Variants in ADAMTSL1 observed in about 807,000 individuals in gnomAD.
ADAMTSL1 encodes ADAMTS like 1.
In ADAMTSL1, 126 loss-of-function variants were observed where a neutral mutation model predicts 201.8. The ratio of observed to expected loss-of-function variants is 0.62; its 90% confidence interval spans 0.54 to 0.72. ADAMTSL1 has a LOEUF of 0.72. Ranked by LOEUF, ADAMTSL1 falls within the 30% of genes least tolerant of loss-of-function variation. The probability of loss-of-function intolerance (pLI) is 0.00; values close to 1 mark genes in which losing one functional copy is unlikely to be tolerated. For missense variants in ADAMTSL1, 2,679 were observed against 2,277.8 expected (o/e 1.18, Z -3.59); for synonymous variants, 1,121 against 903.4 (o/e 1.24, Z -4.32).
chr9:18,597,408 C>G (rs1480327119), intron 4 of ADAMTSL1, among the ~76,000 whole-genome samples: 1 of 152,166 alleles, frequency 6.6e-6, no homozygotes, highest in Non-Finnish European at 1.5e-5. Context: ...TATTTCAACT[C>G]TCTCTATTAT....
At chr9:18,418,979 AAG>A (rs538516408) in intron 2 of ADAMTSL1, among the ~76,000 whole-genome samples, 90 of 152,340 alleles carry the variant, frequency 5.9e-4, no homozygotes, top group Non-Finnish European at 9.4e-4. Context: ...GGTATCGGCA[AAG>A]AGAGAGACAA....
chr9:18,691,398 C>G (rs918143675), intron 13 of ADAMTSL1, among the ~76,000 whole-genome samples: 3 of 152,134 alleles, frequency 2.0e-5, no homozygotes, highest in Non-Finnish European at 2.9e-5. Flanking sequence ...GATTCCAGAA[C>G]TAGTACTTGG....
At chr9:18,510,686 T>G (rs1294211576) in intron 2 of ADAMTSL1, among the ~76,000 whole-genome samples, 1 of 152,016 alleles carries the variant, frequency 6.6e-6, no homozygotes, top group African/African-American at 2.4e-5. Flanking sequence ...GAGGTTTTAT[T>G]GAGTAACTCT....
chr9:18,551,361 T>C (rs1240069933), intron 3 of ADAMTSL1, among the ~76,000 whole-genome samples: 5 of 151,916 alleles, frequency 3.3e-5, no homozygotes, highest in Admixed American at 6.6e-5. Flanking sequence ...TTATGAGTAA[T>C]TTTATTTCTT....
At chr9:18,748,954 G>A (rs918511648) in intron 15 of ADAMTSL1, among the ~76,000 whole-genome samples, 3 of 152,152 alleles carry the variant, frequency 2.0e-5, no homozygotes, top group Non-Finnish European at 4.4e-5. Context: ...CTTTCTGGTG[G>A]CTCCCGGCAC....
chr9:18,379,365 A>C (rs759096234), intron 2 of ADAMTSL1, among the ~76,000 whole-genome samples: 5 of 152,216 alleles, frequency 3.3e-5, no homozygotes, highest in Non-Finnish European at 7.3e-5. Flanking sequence ...GCAAAAATGT[A>C]AGTTGAAGTA....
At chr9:18,794,786 C>G (rs1822292918) in intron 19 of ADAMTSL1, among the ~76,000 whole-genome samples, 1 of 151,872 alleles carries the variant, frequency 6.6e-6, no homozygotes, top group Admixed American at 6.6e-5. Context: ...GGCATACACC[C>G]CCATGCCCAG....
intron 2 of ADAMTSL1, among the ~76,000 whole-genome samples, chr9:18,291,684 C>T (rs573857415): frequency 1.9e-3 from 291 of 151,418 alleles, no homozygotes; most frequent in Non-Finnish European, 3.4e-3. Flanking sequence ...CTCTCTCTCT[C>T]GGGTGCGCAC....
intron 1 of ADAMTSL1, among the ~76,000 whole-genome samples, chr9:18,079,506 C>A (rs980695311): frequency 6.6e-6 from 1 of 151,894 alleles, no homozygotes; most frequent in South Asian, 2.1e-4. Context: ...CACGGTGAAA[C>A]CCCGTCTCTA....
At chr9:17,970,291 C>A in intron 1 of ADAMTSL1, among the ~76,000 whole-genome samples, 1 of 152,102 alleles carries the variant, frequency 6.6e-6, no homozygotes, top group South Asian at 2.1e-4. Flanking sequence ...TCAAAACTAC[C>A]CCCTCCTATC....
chr9:18,222,216 C>G (rs1830285720), intron 2 of ADAMTSL1, among the ~76,000 whole-genome samples: 1 of 151,558 alleles, frequency 6.6e-6, no homozygotes, highest in Non-Finnish European at 1.5e-5. Flanking sequence ...TTTGTTTTTG[C>G]TTTTTTCTCA....
intron 1 of ADAMTSL1, among the ~76,000 whole-genome samples, chr9:17,960,489 A>G (rs548972792): frequency 1.7e-4 from 26 of 152,222 alleles, no homozygotes; most frequent in African/African-American, 6.3e-4. Flanking sequence ...GAAGGACTCA[A>G]ACTCCACCAT....
intron 2 of ADAMTSL1, among the ~76,000 whole-genome samples, chr9:18,394,808 T>G (rs1204101437): frequency 3.3e-5 from 5 of 152,344 alleles, no homozygotes; most frequent in Non-Finnish European, 7.3e-5. Context: ...GAAAGCATTT[T>G]TTTGCATTAT....
intron 6 of ADAMTSL1, among the ~76,000 whole-genome samples, chr9:18,636,758 G>A (rs1827135148): frequency 6.6e-6 from 1 of 152,122 alleles, no homozygotes; most frequent in Admixed American, 6.6e-5. Flanking sequence ...TATAAACAAA[G>A]AAGAGGATGG....
At chr9:18,005,371 T>TTTAAATAC (rs1819771976) in intron 1 of ADAMTSL1, among the ~76,000 whole-genome samples, 1 of 152,038 alleles carries the variant, frequency 6.6e-6, no homozygotes, top group South Asian at 2.1e-4. Context: ...GAGCACCTAC[T>TTTAAATAC]GTGATCTTTA....
intron 1 of ADAMTSL1, among the ~76,000 whole-genome samples, chr9:18,156,627 C>T (rs1306746930): frequency 1.0e-5 from 1 of 96,712 alleles, no homozygotes; most frequent in Non-Finnish European, 2.3e-5. Flanking sequence ...AAAGCACAGA[C>T]ATAAACACAT....
rs143764306 is a variant in ADAMTSL1, at chr9:18,124,984, G to A, written c.88-38878G>A. Among the ~76,000 whole-genome samples the A allele has an allele frequency of 5.1e-3, 784 of 152,250 alleles. 9 individuals carry two copies. The highest frequency in any genetic ancestry group is 0.017 in the African/African-American group (690 of 41,552). On this transcript the variant is annotated intron_variant, in intron 1 of 29. Transcript: ENST00000680146. ...TCATTCACCCAGTTTGGTATTGCTA[G>A]GAGAGGAAAATATTTCACATTCTTA... is the stretch of plus-strand genomic sequence containing the variant.
At chr9:18,654,619 A>G (rs1024390584) in intron 7 of ADAMTSL1, among the ~76,000 whole-genome samples, 5 of 152,238 alleles carry the variant, frequency 3.3e-5, no homozygotes, top group South Asian at 2.1e-4. Flanking sequence ...TAGATATATA[A>G]CTGCTATAAG....
At chr9:18,408,045 T>C (rs1208685679) in intron 2 of ADAMTSL1, among the ~76,000 whole-genome samples, 7 of 152,222 alleles carry the variant, frequency 4.6e-5, no homozygotes, top group Non-Finnish European at 8.8e-5. Flanking sequence ...ATGAAGTACA[T>C]TGTGATGTTT....
Sources: gnomAD v4.1 joint callset for allele counts (sites outside exome capture counted in the v4.1 genomes callset) on GRCh38, gnomAD v4.1.1 for gene constraint, MANE v1.5 for transcripts, NCBI Gene and HGNC (gene_info 2026-07-23, HGNC 2026-07-21) for gene names.